The following ADAMTS12 variants were observed in gnomAD, a reference collection of about 807,000 sequenced individuals.
ADAMTS12 encodes the protein A disintegrin and metalloproteinase with thrombospondin motifs 12.
A neutral mutation model predicts 167.8 loss-of-function variants in ADAMTS12; 118 were observed. The observed-to-expected ratio is 0.70, with a 90% CI of 0.61 to 0.82. The LOEUF is 0.82. Among genes scored for constraint, ADAMTS12 ranks in the 40% least tolerant of loss-of-function variants. The pLI, the probability that ADAMTS12 is intolerant of heterozygous loss-of-function variation, is 0.00. For synonymous variants in ADAMTS12, 704 were observed against 716.9 expected (o/e 0.98, Z 0.29); for missense variants, 1,916 against 1,998.8 (o/e 0.96, Z 0.79).
intron 2 of ADAMTS12, among the ~76,000 whole-genome samples, chr5:33,789,415 C>T (rs950107003): frequency 1.5e-4 from 23 of 152,224 alleles, no homozygotes; most frequent in Non-Finnish European, 1.2e-4. Context: ...ATTGTCCATG[C>T]CTCACTGCTT....
intron 22 of ADAMTS12, among the ~76,000 whole-genome samples, chr5:33,536,228 TG>T (rs1744398300): frequency 6.6e-6 from 1 of 152,148 alleles, no homozygotes; most frequent in Admixed American, 6.5e-5. Context: ...CCTCCCTCCC[TG>T]GGTTCAAGTG....
chr5:33,691,761 T>A (rs1742554863), intron 3 of ADAMTS12, among the ~76,000 whole-genome samples: 1 of 152,190 alleles, frequency 6.6e-6, no homozygotes, highest in Non-Finnish European at 1.5e-5. Flanking sequence ...TCCTTCCACA[T>A]CCTGGCAGCA....
At chr5:33,787,502 T>C (rs1387549052) in intron 2 of ADAMTS12, among the ~76,000 whole-genome samples, 1 of 152,230 alleles carries the variant, frequency 6.6e-6, no homozygotes, top group Non-Finnish European at 1.5e-5. Flanking sequence ...AACATGTTTC[T>C]TGAGAGAAGA....
intron 2 of ADAMTS12, among the ~76,000 whole-genome samples, chr5:33,868,908 C>T (rs1749929978): frequency 6.6e-6 from 1 of 152,124 alleles, no homozygotes; most frequent in African/African-American, 2.4e-5. Context: ...AAAAGGAAAG[C>T]AGACTGTAAA....
At chr5:33,664,938 C>CCATATACATAAGGT (rs950298522) in intron 5 of ADAMTS12, among the ~76,000 whole-genome samples, 1 of 151,926 alleles carries the variant, frequency 6.6e-6, no homozygotes, top group Admixed American at 6.6e-5. Flanking sequence ...GTATACATAT[C>CCATATACATAAGGT]ATATATATTC....
At chr5:33,530,997 C>A (rs933589725) in intron 23 of ADAMTS12, among the ~76,000 whole-genome samples, 6 of 152,082 alleles carry the variant, frequency 3.9e-5, no homozygotes, top group African/African-American at 1.4e-4. Flanking sequence ...TAGGGTGGGC[C>A]CTTCATCCAA....
rs758207008 is a variant in ADAMTS12, at chr5:33,684,088, C to T, written c.635-33G>A. 2.2e-6 allele frequency: 3 copies of T among 1,375,814 alleles called. No individual in the cohort carries two copies. In the East Asian group the frequency reaches 7.8e-5, roughly 36 times the overall value. 85.2% of individuals were successfully genotyped at this position (1,375,814 alleles called of 1,614,324 possible). A position where few individuals can be genotyped will look rare whatever the true frequency, so the allele number is the denominator to read the frequency against. On this transcript the variant is annotated intron_variant, in intron 3 of 23. Coordinates refer to ENST00000504830, the MANE Select transcript of ADAMTS12 (RefSeq NM_030955.4). ...GTAAACAGAAGACAATGGTCTAACACTGTATATGTCTCATATATTATCTAC... is the reference window on the plus strand; with the variant it reads ...GTAAACAGAAGACAATGGTCTAACATTGTATATGTCTCATATATTATCTAC...
chr5:33,590,766 T>C (rs1043817308), intron 17 of ADAMTS12, among the ~76,000 whole-genome samples: 2 of 152,224 alleles, frequency 1.3e-5, no homozygotes, highest in African/African-American at 4.8e-5. Context: ...TGAGCCACCA[T>C]ACCTGGCCAC....
In ADAMTS12 at chr5:33,675,520, A is replaced by G. The variant is rs545761961; in HGVS notation, c.915+7498T>C. Among the ~76,000 whole-genome samples, 4 of 152,202 alleles carry G rather than the reference A, an allele frequency of 2.6e-5. No individual in the cohort carries two copies. The East Asian group carries it at 5.8e-4, about 22-fold the overall frequency. ...CTAGGGCTTTAAGTCTACTCTCAAA[A>G]TCTTTCTTGCTTTCTTCCTATTCCT... On this transcript the variant is annotated intron_variant, in intron 5 of 23. Transcript: ENST00000504830.
intron 2 of ADAMTS12, among the ~76,000 whole-genome samples, chr5:33,759,895 G>A (rs1745288355): frequency 6.6e-6 from 1 of 152,108 alleles, no homozygotes; most frequent in Non-Finnish European, 1.5e-5. Context: ...TGGATTTTTA[G>A]AAATAAAAAA....
intron 2 of ADAMTS12, among the ~76,000 whole-genome samples, chr5:33,790,061 C>G (rs1746469780): frequency 6.6e-6 from 1 of 152,088 alleles, no homozygotes; most frequent in Non-Finnish European, 1.5e-5. Context: ...TGGGTGTTAT[C>G]TAATAGATTA....
At chr5:33,790,782 CATATAT>C (rs10622464) in intron 2 of ADAMTS12, among the ~76,000 whole-genome samples, 2,798 of 134,012 alleles carry the variant, frequency 0.021, 89 homozygotes, top group African/African-American at 0.069. Context: ...GACATACAAA[CATATAT>C]ATATATATAT....
chr5:33,537,160 CTATT>C (rs112520611), intron 22 of ADAMTS12, among the ~76,000 whole-genome samples: 2,613 of 152,288 alleles, frequency 0.017, 68 homozygotes, highest in African/African-American at 0.06. Flanking sequence ...AGTTTGGTAA[CTATT>C]TATTGGGTGC....
At chr5:33,544,925 A>G (rs1211876184) in intron 22 of ADAMTS12, among the ~76,000 whole-genome samples, 1 of 152,212 alleles carries the variant, frequency 6.6e-6, no homozygotes, top group East Asian at 1.9e-4. Flanking sequence ...AAACCTAGGC[A>G]ATACCATTCA....
At chr5:33,735,127 C>A (rs567104535) in intron 3 of ADAMTS12, among the ~76,000 whole-genome samples, 1 of 152,316 alleles carries the variant, frequency 6.6e-6, no homozygotes, top group African/African-American at 2.4e-5. Flanking sequence ...ATTCTCCCAA[C>A]CCTTACTGAT....
chr5:33,710,043 T>C (rs1350869962), intron 3 of ADAMTS12, among the ~76,000 whole-genome samples: 3 of 152,156 alleles, frequency 2.0e-5, no homozygotes, highest in Admixed American at 6.5e-5. Flanking sequence ...CAATTCCTTA[T>C]CTTCAAAATA....
At chr5:33,692,632 T>C (rs2112279790) in intron 3 of ADAMTS12, among the ~76,000 whole-genome samples, 1 of 152,274 alleles carries the variant, frequency 6.6e-6, no homozygotes, top group East Asian at 1.9e-4. Flanking sequence ...CTCCCCTTCA[T>C]GTTTGGGAGG....
intron 16 of ADAMTS12, chr5:33,603,598 C>T (rs1229469331): frequency 6.6e-6 from 1 of 152,206 alleles, no homozygotes; most frequent in African/African-American, 2.4e-5. Flanking sequence ...GGAGACAAAG[C>T]TGTCACTGGT....
At chr5:33,754,781 G>C (rs1182799336) in intron 2 of ADAMTS12, among the ~76,000 whole-genome samples, 2 of 152,138 alleles carry the variant, frequency 1.3e-5, no homozygotes, top group African/African-American at 4.8e-5. Context: ...GCTTAAGCCT[G>C]GGAGGCGGAG....
Sources: allele counts gnomAD v4.1 joint callset (sites outside exome capture counted in the v4.1 genomes callset), GRCh38; gene constraint gnomAD v4.1.1; transcripts MANE v1.5; gene names NCBI Gene and HGNC (gene_info 2026-07-23, HGNC 2026-07-21).